CTSK: variants seen among roughly 807,000 people sequenced by gnomAD.
The protein encoded by CTSK is cathepsin K.
In CTSK, 26 loss-of-function variants were observed where a neutral mutation model predicts 40.5. That is an observed-to-expected ratio of 0.64 (90% confidence interval 0.47 to 0.89). CTSK has a LOEUF of 0.89. CTSK is among the 40% of genes least tolerant of loss of function. CTSK has a pLI of 0.00. For synonymous variants in CTSK, 132 were observed against 143.2 expected (o/e 0.92, Z 0.56); for missense variants, 292 against 400.1 (o/e 0.73, Z 2.30).
At chr1:150,800,555 G>A (rs1033748326) in intron 5 of CTSK, 8 of 183,040 alleles carry the variant, frequency 4.4e-5, no homozygotes, top group Admixed American at 4.3e-4. Flanking sequence ...AGTTAGCAAT[G>A]TTTCATTGGC....
chr1:150,807,036 G>T, intron 1 of CTSK, among the ~76,000 whole-genome samples: 4 of 78,248 alleles, frequency 5.1e-5, no homozygotes, highest in Admixed American at 1.5e-4. Context: ...GGGAGATTTA[G>T]GCAACACACA....
intron 1 of CTSK, chr1:150,807,366 A>G: frequency 2.1e-6 from 1 of 471,204 alleles, no homozygotes; most frequent in Non-Finnish European, 4.4e-6. Flanking sequence ...ACAAGGGAAA[A>G]TAGGACAATG....
intron 7 of CTSK, 88 bp downstream of exon 7, chr1:150,799,080 G>T: frequency 1.1e-6 from 1 of 907,434 alleles, no homozygotes; most frequent in Non-Finnish European, 1.9e-6. Context: ...TCTTGATTTG[G>T]GACAGAGAAA....
rs765573383 is a variant in CTSK at position 150,803,101 on chromosome 1, C to A, written c.618+920G>T. Among the ~76,000 whole-genome samples, 5 of 152,148 alleles carry A rather than the reference C, an allele frequency of 3.3e-5. No homozygotes were observed. In the East Asian group the frequency reaches 9.7e-4, roughly 29 times the overall value. On this transcript the variant is annotated intron_variant, in intron 5 of 7. Coordinates refer to ENST00000271651, the MANE Select transcript of CTSK (RefSeq NM_000396.4). The stretch of plus-strand genomic sequence containing the variant: ...GTTGAAGACAGACATACCCTAAGAC[C>A]CAGACAATTCAGTTCCAAGGCATTA...
Position 150,804,044 on chromosome 1 carries a change from C to G in CTSK, c.595G>C (p.Asp199His). 6.2e-7 allele frequency: 1 copy of G among 1,614,216 alleles called. No homozygotes were observed. The highest frequency in any genetic ancestry group is 8.5e-7 in the Non-Finnish European group (1 of 1,180,032). Residue 199 changes from aspartate (D) to histidine (H), a missense_variant, in exon 5 of 8, where the codon GAT becomes CAT. Coordinates refer to ENST00000271651, the MANE Select transcript of CTSK (RefSeq NM_000396.4). Reference sequence around the variant, plus strand: ...ACCTGTCCCACATATGGGTAGGCATCTTCAGAGTCAATACCCCGGTTCTTC... The same window carrying G: ...ACCTGTCCCACATATGGGTAGGCATGTTCAGAGTCAATACCCCGGTTCTTC... The part of the protein sequence containing the change: ...VQKNRGIDSE[D>H]AYPYVGQEES...
At chr1:150,799,482 T>C in intron 6 of CTSK, 62 bp downstream of exon 6, 1 of 1,597,552 alleles carries the variant, frequency 6.3e-7, no homozygotes, top group East Asian at 2.2e-5. Context: ...CCAAGGTCCT[T>C]CGAGAAACCA....
intron 7 of CTSK, among the ~76,000 whole-genome samples, chr1:150,797,613 G>A (rs1033945431): frequency 2.6e-5 from 4 of 152,072 alleles, no homozygotes; most frequent in Non-Finnish European, 5.9e-5. Flanking sequence ...GGAGAGAGGA[G>A]AGATTGTCTG....
chr1:150,805,653 A>G (rs995728156), intron 4 of CTSK, among the ~76,000 whole-genome samples: 1 of 150,418 alleles, frequency 6.6e-6, no homozygotes, highest in Non-Finnish European at 1.5e-5. Context: ...AAAAAAAAAA[A>G]AAAAAAAAAA....
intron 5 of CTSK, 57 bp from the exon 6 acceptor site, chr1:150,799,766 G>A: frequency 1.3e-6 from 2 of 1,533,100 alleles, no homozygotes; most frequent in Admixed American, 3.3e-5. Flanking sequence ...ATGAGTCAGT[G>A]AGTAAGAAAC....
At chr1:150,804,375 C>T (rs587704818) in intron 4 of CTSK, 136 bp from the exon 5 acceptor site, 17 of 739,384 alleles carry the variant, frequency 2.3e-5, no homozygotes, top group Middle Eastern at 5.2e-4. Flanking sequence ...CTTCCTCTTC[C>T]GCTTAATATC....
chr1:150,799,541 T>G lies in CTSK; in HGVS notation c.784+3A>C, dbSNP rs201714478. 281 of 1,614,082 alleles carry G rather than the reference T, an allele frequency of 1.7e-4. No individual in the cohort carries two copies. Among genetic ancestry groups the G allele is most frequent in the Non-Finnish European group, 2.2e-4 (258 of 1,180,030 alleles). ...GTGCTGTATAGGATCAGCAGCTTCT[T>G]ACCTTTGCTGTAAAACTGGAAGGAG... On this transcript the variant is annotated splice_donor_region_variant and intron_variant, in intron 6 of 7. Transcript: ENST00000271651.
chr1:150,798,688 G>C (rs1454391768), intron 7 of CTSK, among the ~76,000 whole-genome samples: 1 of 152,212 alleles, frequency 6.6e-6, no homozygotes, highest in Non-Finnish European at 1.5e-5. Flanking sequence ...TGGGTTATGA[G>C]AGTGGATTCC....
chr1:150,805,091 C>A (rs1047540844), intron 4 of CTSK, among the ~76,000 whole-genome samples: 12 of 151,418 alleles, frequency 7.9e-5, no homozygotes, highest in African/African-American at 2.9e-4. Flanking sequence ...GCATGTGCTT[C>A]TAATCCCAGC....
chr1:150,805,917 C>G lies in CTSK; in HGVS notation c.343G>C (p.Ala115Pro). 1 of 1,614,168 alleles carries G rather than the reference C, an allele frequency of 6.2e-7. No homozygotes were observed. The highest frequency in any genetic ancestry group is 8.5e-7 in the Non-Finnish European group (1 of 1,180,026). The change falls in exon 4 of 8, where the codon GCC (alanine) becomes CCC (proline). Residue 115 changes from alanine (A) to proline (P), a missense_variant. Ala to Pro is a conservative substitution (Grantham distance 27, BLOSUM62 -1). Coordinates refer to ENST00000271651, the MANE Select transcript of CTSK (RefSeq NM_000396.4). The part of the protein sequence containing the change: ...TLYIPEWEGR[A>P]PDSVDYRKKG... ...TTTCGATAGTCGACAGAGTCTGGGG[C>G]TCTACCTTCCCATTCTGGGATATAA...
At chr1:150,798,201 CT>C (rs35115028) in intron 7 of CTSK, among the ~76,000 whole-genome samples, 1 of 152,122 alleles carries the variant, frequency 6.6e-6, no homozygotes, top group South Asian at 2.1e-4. Context: ...TAAACACTAA[CT>C]TTTTTTGTTT....
chr1:150,805,760 G>A, intron 4 of CTSK, 101 bp downstream of exon 4: 1 of 1,164,032 alleles, frequency 8.6e-7, no homozygotes. Context: ...TTAATTCCTT[G>A]CCCTCTTTTC....
Position 150,799,120 on chromosome 1 carries a change from A to T in CTSK, c.890+48T>A, listed in dbSNP as rs202105244. The stretch of plus-strand genomic sequence containing the variant: ...TATCGGGAAGCTGGAGGTGAGGTTG[A>T]GTGTTAAAAGGGTGACTGAATAACA... On this transcript the variant is annotated intron_variant, in intron 7 of 7. Coordinates refer to ENST00000271651, the MANE Select transcript of CTSK (RefSeq NM_000396.4). 1.3e-5 allele frequency: 16 copies of T among 1,206,864 alleles called. No individual in the cohort carries two copies. The African/African-American group carries it at 1.8e-4, about 13-fold the overall frequency. 74.8% of individuals were successfully genotyped at this position (1,206,864 alleles called of 1,614,324 possible). A position where few individuals can be genotyped will look rare whatever the true frequency, so the allele number is the denominator to read the frequency against.
intron 5 of CTSK, among the ~76,000 whole-genome samples, chr1:150,800,134 T>G (rs946393520): frequency 1.6e-5 from 2 of 123,254 alleles, no homozygotes; most frequent in Non-Finnish European, 3.1e-5. Flanking sequence ...GAGGCAGACC[T>G]TGTAGTGAGC....
rs1654101066 is a variant in CTSK at position 150,806,778 on chromosome 1, G to C, written c.28C>G (p.Pro10Ala). 6.2e-7 allele frequency: 1 copy of C among 1,614,070 alleles called. No individual in the cohort carries two copies. The highest frequency in any genetic ancestry group is 8.5e-7 in the Non-Finnish European group (1 of 1,180,018). MWGLKVLLLPVVSFALYPEE... is the reference protein window; with the variant it reads MWGLKVLLLAVVSFALYPEE... ...GGGTACAGAGCAAAGCTCACCACAG[G>C]TAGCAGCAGAACCTTGAGCCCCCAC... Residue 10 changes from proline (P) to alanine (A), a missense_variant, in exon 2 of 8, where the codon CCT becomes GCT. Physicochemically the swap from Pro to Ala is conservative, Grantham distance 27. Coordinates refer to ENST00000271651, the MANE Select transcript of CTSK (RefSeq NM_000396.4).
Sources: gnomAD v4.1 joint callset for allele counts (sites outside exome capture counted in the v4.1 genomes callset) on GRCh38, gnomAD v4.1.1 for gene constraint, MANE v1.5 for transcripts, NCBI Gene and HGNC (gene_info 2026-07-23, HGNC 2026-07-21) for gene names.